POLN: variants seen among roughly 807,000 people sequenced by gnomAD.
The protein encoded by POLN is DNA polymerase nu.
POLN carries 108 observed loss-of-function variants against 113.5 expected under a neutral mutation model. The ratio of observed to expected loss-of-function variants is 0.95; its 90% CI spans 0.81 to 1.12. The LOEUF (loss-of-function observed/expected upper bound fraction) is 1.12. Ranked by LOEUF, POLN falls within the 50% of genes most tolerant of loss-of-function variation. POLN has a pLI of 0.00. For missense variants in POLN, 1,097 were observed against 1,077.1 expected (o/e 1.02, Z -0.26); for synonymous variants, 386 against 391.5 (o/e 0.99, Z 0.17).
At chr4:2,081,288 T>G in intron 22 of POLN, 1 of 1,117,400 alleles carries the variant, frequency 8.9e-7, no homozygotes, top group Non-Finnish European at 1.3e-6. Context: ...CAGGCATGCA[T>G]GGGGAGGATG....
At chr4:2,199,858 T>G (rs1342662977) in intron 5 of POLN, among the ~76,000 whole-genome samples, 1 of 152,186 alleles carries the variant, frequency 6.6e-6, no homozygotes, top group Non-Finnish European at 1.5e-5. Context: ...ATTACAGGTG[T>G]GAGCCACCAC....
chr4:2,105,763 C>T (rs889237122), intron 19 of POLN, among the ~76,000 whole-genome samples: 1 of 152,030 alleles, frequency 6.6e-6, no homozygotes, highest in African/African-American at 2.4e-5. Context: ...CCCAAACATT[C>T]CACACAAGTC....
chr4:2,212,928 C>CTT (rs1023984267), intron 4 of POLN, 119 bp downstream of exon 4: 1,691 of 449,926 alleles, frequency 3.8e-3, no homozygotes, highest in South Asian at 5.1e-3. Context: ...AAGAACGCCT[C>CTT]TTTTTTTTTT....
chr4:2,219,868 G>C (rs536285009), intron 3 of POLN, among the ~76,000 whole-genome samples: 1 of 152,160 alleles, frequency 6.6e-6, no homozygotes, highest in South Asian at 2.1e-4. Context: ...ACCACCTCTT[G>C]GAATCTTCAT....
intron 19 of POLN, among the ~76,000 whole-genome samples, chr4:2,123,482 T>C (rs534570913): frequency 8.5e-4 from 129 of 151,130 alleles, no homozygotes; most frequent in Non-Finnish European, 1.6e-3. Flanking sequence ...AAAAATTAGC[T>C]GGGTGGTAGT....
In POLN at chr4:2,170,665, C is replaced by T. The variant is rs1454075735; in HGVS notation, c.1554+14G>A. 2 of 1,604,872 alleles carry T rather than the reference C, an allele frequency of 1.2e-6. No individual in the cohort carries two copies. The highest frequency in any genetic ancestry group is 2.7e-5 in the African/African-American group (2 of 74,714). On this transcript the variant is annotated intron_variant, in intron 13 of 25. Transcript: ENST00000511885. ...GTCATTCTAAAAAGAAAAAGGATAA[C>T]TCTGAAACCTTACCACTGCTTCTGA...
chr4:2,177,682 G>A (rs1247891246), intron 8 of POLN, among the ~76,000 whole-genome samples: 1 of 152,236 alleles, frequency 6.6e-6, no homozygotes, highest in African/African-American at 2.4e-5. Context: ...AACTGGGACT[G>A]ATAATTCTGA....
At chr4:2,128,416 G>A (rs1731638329) in intron 18 of POLN, among the ~76,000 whole-genome samples, 189 bp from the exon 19 acceptor site, 1 of 152,200 alleles carries the variant, frequency 6.6e-6, no homozygotes, top group Admixed American at 6.5e-5. Context: ...GATTGTGCAA[G>A]GTGAGGAGGC....
chr4:2,145,190 T>C (rs1732105783), intron 16 of POLN, among the ~76,000 whole-genome samples: 2 of 151,956 alleles, frequency 1.3e-5, no homozygotes, highest in African/African-American at 2.4e-5. Flanking sequence ...TTTGCTATCA[T>C]AGAACACATT....
intron 3 of POLN, among the ~76,000 whole-genome samples, chr4:2,218,892 C>G (rs902815895): frequency 1.3e-5 from 2 of 152,186 alleles, no homozygotes; most frequent in African/African-American, 4.8e-5. Flanking sequence ...GAGCACCTAC[C>G]TGGTGAATTA....
intron 13 of POLN, among the ~76,000 whole-genome samples, chr4:2,161,626 C>A (rs939639061): frequency 6.6e-6 from 1 of 152,220 alleles, no homozygotes; most frequent in Non-Finnish European, 1.5e-5. Flanking sequence ...CCAGTCCCAT[C>A]GACCACCCAA....
At chr4:2,212,011 A>C (rs528552571) in intron 4 of POLN, among the ~76,000 whole-genome samples, 4 of 152,292 alleles carry the variant, frequency 2.6e-5, no homozygotes, top group African/African-American at 9.6e-5. Flanking sequence ...AAGGGCAGAT[A>C]ATCATCCTAT....
chr4:2,162,847 G>A (rs934292920), intron 13 of POLN, among the ~76,000 whole-genome samples: 2 of 151,424 alleles, frequency 1.3e-5, no homozygotes, highest in African/African-American at 2.4e-5. Flanking sequence ...ACTGACCCTC[G>A]AGTCAACACC....
intron 7 of POLN, among the ~76,000 whole-genome samples, chr4:2,188,418 G>C (rs1038984980): frequency 6.6e-6 from 1 of 152,134 alleles, no homozygotes; most frequent in Non-Finnish European, 1.5e-5. Context: ...GGCTAACACA[G>C]TGAAACCCCA....
In POLN at chr4:2,107,988, C is replaced by T. The variant is rs114687132; in HGVS notation, c.1983-12055G>A. Among the ~76,000 whole-genome samples the T allele has an allele frequency of 2.2e-3, 339 of 152,136 alleles. 3 individuals are homozygous for T. Among genetic ancestry groups the T allele is most frequent in the African/African-American group, 7.8e-3 (321 of 41,390 alleles). ...TGACACCTTTGCGATGCTCTTCATC[C>T]GAGCGCTTTGCACCTTTGCTCCTTT... On this transcript the variant is annotated intron_variant, in intron 19 of 25. Coordinates refer to ENST00000511885, the MANE Select transcript of POLN (RefSeq NM_181808.4).
intron 4 of POLN, among the ~76,000 whole-genome samples, chr4:2,212,256 G>T (rs757729480): frequency 2.9e-4 from 44 of 152,182 alleles, no homozygotes; most frequent in Non-Finnish European, 5.6e-4. Flanking sequence ...GAATGTTATA[G>T]CCCTGCCTTT....
At chr4:2,074,669 C>T (rs1033545684) in intron 24 of POLN, among the ~76,000 whole-genome samples, 2 of 152,104 alleles carry the variant, frequency 1.3e-5, no homozygotes, top group African/African-American at 4.8e-5. Context: ...GAGGGCATGG[C>T]GACCACCACT....
rs527881813 is a variant in POLN at position 2,195,603 on chromosome 4, C to T, written c.909-2287G>A. On this transcript the variant is annotated intron_variant, in intron 6 of 25. Transcript: ENST00000511885. ...GACCCAAGCGATCCTCCAACATCAG[C>T]CTCTAGAGTAGCTGGAACTATAGGC... Among the ~76,000 whole-genome samples the T allele has an allele frequency of 2.0e-5, 3 of 152,030 alleles. No individual in the cohort carries two copies. The South Asian group carries it at 6.2e-4, about 32-fold the overall frequency.
In POLN at chr4:2,126,798, G is replaced by C. The variant is rs896373354; in HGVS notation, c.1982+1315C>G. On this transcript the variant is annotated intron_variant, in intron 19 of 25. Coordinates refer to ENST00000511885, the MANE Select transcript of POLN (RefSeq NM_181808.4). This position sits in a 1 kb window ranked among gnomAD's most constrained non-coding sequence, Gnocchi z 4.6. Reference sequence around the variant, plus strand: ...AGGACAGGAAAGGCCAGAGTGAGGCGGGTAACTGGTGAGCTCAGGCCTAGC... The same window carrying C: ...AGGACAGGAAAGGCCAGAGTGAGGCCGGTAACTGGTGAGCTCAGGCCTAGC... 2.0e-5 allele frequency among the ~76,000 whole-genome samples: 3 copies of C among 152,106 alleles called. No homozygotes were observed. The East Asian group carries it at 5.8e-4, about 29-fold the overall frequency.
Sources: gnomAD v4.1 joint callset for allele counts (sites outside exome capture counted in the v4.1 genomes callset) on GRCh38, gnomAD v4.1.1 for gene constraint, Gnocchi (gnomAD v3.1) non-coding constraint, MANE v1.5 for transcripts, NCBI Gene and HGNC (gene_info 2026-07-23, HGNC 2026-07-21) for gene names.